Variants in FAM163A observed in about 807,000 individuals in gnomAD.
FAM163A encodes protein FAM163A.
FAM163A carries 7 observed loss-of-function variants against 12.0 expected under a neutral mutation model. The observed-to-expected ratio is 0.58, with a 90% CI of 0.33 to 1.10. The LOEUF (loss-of-function observed/expected upper bound fraction) is 1.10, where lower values mean the gene tolerates loss of function less well. Ranked by LOEUF, FAM163A falls within the 50% of genes least tolerant of loss-of-function variation. The pLI, the probability that FAM163A is intolerant of heterozygous loss-of-function variation, is 0.03. For synonymous variants in FAM163A, 101 were observed against 91.0 expected, an observed-to-expected ratio of 1.11 and a Z score of -0.62; for missense variants, 202 against 218.6, an observed-to-expected ratio of 0.92 and a Z score of 0.48.
At chr1:179,808,380 A>G (rs1348894110) in intron 2 of FAM163A, among the ~76,000 whole-genome samples, 2 of 152,250 alleles carry the variant, frequency 1.3e-5, no homozygotes, top group East Asian at 1.9e-4. Context: ...GAGTCCAGAC[A>G]TGGCTGGTTG....
upstream of FAM163A, among the ~76,000 whole-genome samples, chr1:179,740,033 A>T (rs10913874): frequency 0.3 from 45,234 of 152,148 alleles, 7,344 homozygotes; most frequent in East Asian, 0.63. Flanking sequence ...TGTGACTACC[A>T]TACGATCTAG....
rs761822224 is a variant in FAM163A at position 179,813,827 on chromosome 1, G to C, written c.142G>C (p.Glu48Gln). ...AACCGAGGTTGCAGACGAGGAGGAG[G>C]AGCGGGAGCACGACCTTCCCACGCA... is the stretch of plus-strand genomic sequence containing the variant. ...SGTEVADEEE[E>Q]REHDLPTHPR... Residue 48 changes from glutamate (E) to glutamine (Q), a missense_variant, in exon 5 of 5, where the codon GAG becomes CAG. Glu to Gln is a conservative substitution (Grantham distance 29, BLOSUM62 2). Transcript: ENST00000341785. The C allele has an allele frequency of 6.2e-7, 1 of 1,613,994 alleles. No homozygotes were observed. The highest frequency in any genetic ancestry group is 8.5e-7 in the Non-Finnish European group (1 of 1,180,030).
chr1:179,727,997 A>G, the FAM163A span, among the ~76,000 whole-genome samples: 1 of 152,184 alleles, frequency 6.6e-6, no homozygotes, highest in Non-Finnish European at 1.5e-5. Flanking sequence ...GGAATAATCA[A>G]TGGGAAATGA....
chr1:179,773,840 C>T (rs766849275), intron 1 of FAM163A, among the ~76,000 whole-genome samples: 1 of 152,198 alleles, frequency 6.6e-6, no homozygotes, highest in East Asian at 1.9e-4. Flanking sequence ...AAACGGACAT[C>T]TTTTACCTTC....
chr1:179,782,648 C>T lies in FAM163A; in HGVS notation c.-135-25150C>T, dbSNP rs1272566225. Among the ~76,000 whole-genome samples, 3 of 152,132 alleles carry T rather than the reference C, an allele frequency of 2.0e-5. No homozygotes were observed. The East Asian group carries it at 5.8e-4, about 29-fold the overall frequency. On this transcript the variant is annotated intron_variant, in intron 1 of 4. Coordinates refer to ENST00000341785, the MANE Select transcript of FAM163A (RefSeq NM_173509.3). ...TGCCATCTCCTTCCCTTTCTAGAAC[C>T]CAAAGTTCTAAGCCACCCTGCCAGG...
the FAM163A span, among the ~76,000 whole-genome samples, chr1:179,737,579 T>C: frequency 6.6e-6 from 1 of 152,194 alleles, no homozygotes; most frequent in East Asian, 1.9e-4. Flanking sequence ...CTCACACCTG[T>C]AATCCCAGCA....
At chr1:179,790,218 CT>C (rs1168192716) in intron 1 of FAM163A, among the ~76,000 whole-genome samples, 3,687 of 91,682 alleles carry the variant, frequency 0.04, 56 homozygotes, top group African/African-American at 0.12. Context: ...AGCTGACTTC[CT>C]TTTTTTTTTT....
chr1:179,808,505 A>G (rs954101819), intron 2 of FAM163A, among the ~76,000 whole-genome samples: 1 of 152,166 alleles, frequency 6.6e-6, no homozygotes, highest in African/African-American at 2.4e-5. Flanking sequence ...GGGAGGCTGG[A>G]TTGAGGGCCT....
chr1:179,743,108 AG>A (rs1422632954), upstream of FAM163A: 15 of 152,482 alleles, frequency 9.8e-5, no homozygotes, highest in African/African-American at 3.4e-4. Context: ...GGAGCTAAGC[AG>A]GGGTGTTTGG....
chr1:179,757,631 G>A (rs550491406), intron 1 of FAM163A, among the ~76,000 whole-genome samples: 115 of 152,208 alleles, frequency 7.6e-4, no homozygotes, highest in Non-Finnish European at 1.2e-3. Flanking sequence ...GGCCAACATG[G>A]TGAAACTCCA....
intron 1 of FAM163A, among the ~76,000 whole-genome samples, chr1:179,793,276 A>T (rs1691784552): frequency 6.6e-6 from 1 of 152,012 alleles, no homozygotes; most frequent in Admixed American, 6.6e-5. Context: ...GGCCATACTC[A>T]TATGTCTACA....
At position 179,814,486 on chromosome 1, in the gene FAM163A, A is replaced by G. The variant is rs1423188952; in HGVS notation, c.*297A>G. 20 of 369,008 alleles carry G rather than the reference A, an allele frequency of 5.4e-5. No individual in the cohort carries two copies. The highest frequency in any genetic ancestry group is 8.8e-5 in the Non-Finnish European group (18 of 203,866). 22.9% of individuals were successfully genotyped at this position (369,008 alleles called of 1,614,324 possible). On this transcript the variant is annotated 3_prime_UTR_variant, in exon 5 of 5. Transcript: ENST00000341785. ...CCCCAGCACCACCACAACCCCTTGCAGTGTGCCCCAGTCCCCTGGATTCGC... is the reference window on the plus strand; with the variant it reads ...CCCCAGCACCACCACAACCCCTTGCGGTGTGCCCCAGTCCCCTGGATTCGC...
At chr1:179,747,248 G>C (rs1277711120) in intron 1 of FAM163A, among the ~76,000 whole-genome samples, 1 of 151,892 alleles carries the variant, frequency 6.6e-6, no homozygotes, top group Non-Finnish European at 1.5e-5. Flanking sequence ...TATTGGCGCA[G>C]TTGTCACTGC....
At chr1:179,781,011 C>T (rs551685442) in intron 1 of FAM163A, among the ~76,000 whole-genome samples, 1 of 152,156 alleles carries the variant, frequency 6.6e-6, no homozygotes, top group African/African-American at 2.4e-5. Flanking sequence ...TAATGTGCTC[C>T]ATGCAAAGGT....
In FAM163A at chr1:179,814,035, G is replaced by C; in HGVS notation, c.350G>C (p.Gly117Ala). 1 of 1,613,574 alleles carries C rather than the reference G, an allele frequency of 6.2e-7. No homozygotes were observed. The highest frequency in any genetic ancestry group is 8.5e-7 in the Non-Finnish European group (1 of 1,179,654). ...ACGGCTGACATGGTGCCCAATGGGG[G>C]TGGAGGCGAGAGGCTCTCCTTTGCT... ...IRTADMVPNG[G>A]GGERLSFAPT... The change falls in exon 5 of 5, where the codon GGT becomes GCT. Residue 117 changes from glycine (G) to alanine (A), a missense_variant. By Grantham distance (60) the Gly-to-Ala change is moderately conservative. Transcript: ENST00000341785.
At position 179,813,798 on chromosome 1, in the gene FAM163A, G is replaced by A. The variant is rs772605030; in HGVS notation, c.113G>A (p.Ser38Asn). 6.2e-7 allele frequency: 1 copy of A among 1,613,844 alleles called. No individual in the cohort carries two copies. The highest frequency in any genetic ancestry group is 1.3e-5 in the African/African-American group (1 of 74,930). Reference protein sequence around the residue: ...CRLQYYCCKKSGTEVADEEEE... With the variant: ...CRLQYYCCKKNGTEVADEEEE... ...GCACAGTATTACTGCTGCAAGAAGA[G>A]CGGAACCGAGGTTGCAGACGAGGAG... The change falls in exon 5 of 5, where the codon AGC becomes AAC. Residue 38 changes from serine to asparagine, a missense_variant. By Grantham distance (46) the Ser-to-Asn change is conservative. Coordinates refer to ENST00000341785, the MANE Select transcript of FAM163A (RefSeq NM_173509.3).
In FAM163A at chr1:179,815,815, G is replaced by A. The variant is rs1228614395; in HGVS notation, c.*1626G>A. On this transcript the variant is annotated 3_prime_UTR_variant, in exon 5 of 5. Coordinates refer to ENST00000341785, the MANE Select transcript of FAM163A (RefSeq NM_173509.3). ...TGCCGCTGGGGGAGCAGGGAGCGGG[G>A]AGGGAGGAAGAGGGGAATGCACATC... 6.6e-6 allele frequency: 1 copy of A among 152,324 alleles called. No individual in the cohort carries two copies. The highest frequency in any genetic ancestry group is 6.5e-5 in the Admixed American group (1 of 15,284). The allele number at this position is 152,324 out of a possible 1,614,324, so 9.4% of individuals were successfully genotyped here.
chr1:179,758,918 A>G (rs563950959), intron 1 of FAM163A, among the ~76,000 whole-genome samples: 4 of 152,314 alleles, frequency 2.6e-5, no homozygotes, highest in East Asian at 1.9e-4. Context: ...CTGATTGATC[A>G]TGATATGCCC....
At chr1:179,812,978 C>T in intron 3 of FAM163A, 98 bp from the exon 4 acceptor site, 1 of 1,157,330 alleles carries the variant, frequency 8.6e-7, no homozygotes. Flanking sequence ...CTCTCAGGCC[C>T]CCTGCCCCAG....
Sources: gnomAD v4.1 joint callset for allele counts (sites outside exome capture counted in the v4.1 genomes callset) on GRCh38, gnomAD v4.1.1 for gene constraint, MANE v1.5 for transcripts, NCBI Gene and HGNC (gene_info 2026-07-23, HGNC 2026-07-21) for gene names.